ACOT1: variants seen among roughly 807,000 people sequenced by gnomAD.
ACOT1 encodes the protein acyl-coenzyme A thioesterase 1.
Under a neutral mutation model 15.7 loss-of-function variants are expected in ACOT1, and 8 were observed. The ratio of observed to expected loss-of-function variants is 0.51; its 90% CI spans 0.30 to 0.92. The LOEUF is 0.92. ACOT1 is among the 40% of genes least tolerant of loss of function. The pLI is 0.06. For missense variants in ACOT1, 151 were observed against 539.4 expected (o/e 0.28, Z 7.13); for synonymous variants, 67 against 241.2 (o/e 0.28, Z 6.69).
the ACOT1 span, among the ~76,000 whole-genome samples, chr14:73,494,461 A>G: frequency 6.6e-6 from 1 of 152,230 alleles, no homozygotes; most frequent in African/African-American, 2.4e-5. Flanking sequence ...AATTCTTTTT[A>G]AAAAAGTTAC....
the ACOT1 span, among the ~76,000 whole-genome samples, chr14:73,525,066 G>A: frequency 1.3e-4 from 20 of 151,758 alleles, 2 homozygotes; most frequent in African/African-American, 3.6e-4. Flanking sequence ...TTGTTCTGTC[G>A]CCCAGGCTGG....
At chr14:73,521,468 T>C in the ACOT1 span, among the ~76,000 whole-genome samples, 2 of 152,362 alleles carry the variant, frequency 1.3e-5, no homozygotes, top group South Asian at 4.1e-4. Flanking sequence ...TCCTTAAAGG[T>C]ACATATCTGT....
chr14:73,519,371 A>T, the ACOT1 span, among the ~76,000 whole-genome samples: 2 of 147,412 alleles, frequency 1.4e-5, no homozygotes, highest in Admixed American at 1.4e-4. Flanking sequence ...TCTGTGGGGG[A>T]AAAAAAAAAG....
the ACOT1 span, chr14:73,493,014 T>TC: frequency 6.3e-7 from 1 of 1,579,706 alleles, no homozygotes; most frequent in Non-Finnish European, 8.6e-7. Flanking sequence ...TTTTTTTTTT[T>TC]TCCTTAAACT....
chr14:73,537,851 G>T lies in ACOT1; in HGVS notation c.430G>T (p.Val144Leu). The stretch of plus-strand genomic sequence containing the variant: ...GCGCGAGCCGGTGCGCGCGGGCCGG[G>T]TGCGAGGCACGCTCTTCCTGCCGCC... ...VRREPVRAGR[V>L]RGTLFLPPEP... Residue 144 changes from valine (V) to leucine (L), a missense_variant, in exon 1 of 3, where the codon GTG (valine) becomes TTG (leucine). Coordinates refer to ENST00000311148, the MANE Select transcript of ACOT1 (RefSeq NM_001037161.2). The T allele has an allele frequency of 8.3e-7, 1 of 1,205,126 alleles. No individual in the cohort carries two copies. 74.7% of individuals were successfully genotyped at this position (1,205,126 alleles called of 1,614,324 possible).
the ACOT1 span, among the ~76,000 whole-genome samples, chr14:73,501,633 G>A: frequency 1.3e-5 from 2 of 149,376 alleles, no homozygotes; most frequent in Non-Finnish European, 3.0e-5. Flanking sequence ...GAATGCAGTG[G>A]CATGATGATG....
upstream of ACOT1, among the ~76,000 whole-genome samples, chr14:73,535,455 TC>T: frequency 1.5e-5 from 1 of 65,906 alleles, no homozygotes; most frequent in Non-Finnish European, 3.3e-5. Context: ...CTTTTTCTTT[TC>T]TTTTTCTTCT....
At chr14:73,504,389 C>T in the ACOT1 span, among the ~76,000 whole-genome samples, 2 of 152,030 alleles carry the variant, frequency 1.3e-5, no homozygotes, top group Non-Finnish European at 2.9e-5. Flanking sequence ...ACTACAGGTG[C>T]CTGCCACCAC....
At chr14:73,530,391 A>G in the ACOT1 span, 22 of 131,812 alleles carry the variant, frequency 1.7e-4, no homozygotes, top group African/African-American at 5.0e-4. Context: ...TAAAGAAAGC[A>G]CAGCCCAAAG....
the ACOT1 span, chr14:73,519,195 T>C: frequency 1.9e-6 from 3 of 1,588,946 alleles, no homozygotes; most frequent in Non-Finnish European, 2.6e-6. Context: ...ATGAGTCCCC[T>C]ATAACCTCCC....
At chr14:73,508,379 C>T in the ACOT1 span, 1 of 1,127,226 alleles carries the variant, frequency 8.9e-7, no homozygotes, top group Non-Finnish European at 1.3e-6. Flanking sequence ...CCCAAGGCTG[C>T]TACCCCACCT....
At chr14:73,514,322 CCTGA>C in the ACOT1 span, 3 of 1,208,656 alleles carry the variant, frequency 2.5e-6, no homozygotes, top group Non-Finnish European at 3.5e-6. Flanking sequence ...CATTCCTATT[CCTGA>C]CTAATACCAA....
the ACOT1 span, chr14:73,508,267 G>C: frequency 6.2e-7 from 1 of 1,613,958 alleles, no homozygotes; most frequent in Non-Finnish European, 8.5e-7. Flanking sequence ...CAAGCACTGA[G>C]CTGCAGCCCA....
At chr14:73,527,411 C>G in the ACOT1 span, 5 of 151,566 alleles carry the variant, frequency 3.3e-5, no homozygotes, top group African/African-American at 7.3e-5. Flanking sequence ...CGAGATAACA[C>G]CGAGAAGAAA....
At chr14:73,491,415 T>C in the ACOT1 span, 4 of 1,347,338 alleles carry the variant, frequency 3.0e-6, no homozygotes, top group African/African-American at 1.5e-5. Flanking sequence ...GCGCGCCTGG[T>C]GGAGGTGCCC....
the ACOT1 span, among the ~76,000 whole-genome samples, chr14:73,504,339 A>T: frequency 0.11 from 16,280 of 151,194 alleles, 1,043 homozygotes; most frequent in East Asian, 0.29. Flanking sequence ...ACCTCCTGGG[A>T]TCACGCCATT....
chr14:73,504,048 G>A, the ACOT1 span, among the ~76,000 whole-genome samples: 1 of 151,768 alleles, frequency 6.6e-6, no homozygotes, highest in Non-Finnish European at 1.5e-5. Context: ...TTCTGATTGA[G>A]CTGGCTTAAG....
the ACOT1 span, chr14:73,520,716 TG>T: frequency 2.6e-6 from 2 of 761,378 alleles, no homozygotes. Context: ...GTGTGGGTGC[TG>T]GGTCATGAAC....
At chr14:73,527,735 T>C in the ACOT1 span, among the ~76,000 whole-genome samples, 3 of 151,832 alleles carry the variant, frequency 2.0e-5, no homozygotes, top group Admixed American at 6.6e-5. Context: ...CCTAGCACTT[T>C]GGGAGGCCAA....
Sources: allele counts gnomAD v4.1 joint callset (sites outside exome capture counted in the v4.1 genomes callset), GRCh38; gene constraint gnomAD v4.1.1; transcripts MANE v1.5; gene names NCBI Gene and HGNC (gene_info 2026-07-23, HGNC 2026-07-21).